IQSEC3: variants seen among roughly 807,000 people sequenced by gnomAD.
IQSEC3 encodes the protein IQ motif and SEC7 domain-containing protein 3.
IQSEC3 carries 50 observed loss-of-function variants against 105.4 expected under a neutral mutation model. That is an observed-to-expected ratio of 0.47 (90% CI 0.38 to 0.60). The LOEUF is 0.60. Ranked by LOEUF, IQSEC3 falls within the 20% of genes least tolerant of loss-of-function variation. The pLI is 0.00. For synonymous variants in IQSEC3, 708 were observed against 746.0 expected, an observed-to-expected ratio of 0.95 and a Z score of 0.83; for missense variants, 1,415 against 1,630.0, an observed-to-expected ratio of 0.87 and a Z score of 2.27.
chr12:72,552 C>T (rs1863359985), intron 1 of IQSEC3, among the ~76,000 whole-genome samples: 1 of 132,790 alleles, frequency 7.5e-6, no homozygotes, highest in African/African-American at 2.5e-5. Context: ...TGGGGACACT[C>T]TCACTGCACC....
intron 1 of IQSEC3, among the ~76,000 whole-genome samples, chr12:67,988 G>A (rs1356598018): frequency 6.6e-6 from 1 of 150,914 alleles, no homozygotes; most frequent in Non-Finnish European, 1.5e-5. Context: ...AAAAGCAGGA[G>A]TGATGTGGGA....
chr12:153,145 C>G (rs886953382), intron 5 of IQSEC3, among the ~76,000 whole-genome samples: 1 of 151,968 alleles, frequency 6.6e-6, no homozygotes, highest in Admixed American at 6.5e-5. Context: ...AGGGAGTGAA[C>G]AGAGGAGGCT....
chr12:160,362 C>A (rs1268048570), intron 7 of IQSEC3, among the ~76,000 whole-genome samples: 3 of 152,130 alleles, frequency 2.0e-5, no homozygotes, highest in Non-Finnish European at 4.4e-5. Flanking sequence ...TAAGGCATTT[C>A]ACCGGGAGAC....
intron 5 of IQSEC3, among the ~76,000 whole-genome samples, chr12:149,541 A>C: frequency 6.6e-6 from 1 of 150,722 alleles, no homozygotes. Flanking sequence ...GTCATCTCTC[A>C]CTCACTCATT....
Position 141,271 on chromosome 12 carries a change from C to A in IQSEC3, c.2139C>A (p.Asn713Lys). ...EFLGNSKKQF[N>K]RDVLDCVVDE... Reference sequence around the variant, plus strand: ...TGGGCAACAGCAAGAAGCAGTTCAACCGCGACGTGCTGGAGTGAGTACCCC... The same window carrying A: ...TGGGCAACAGCAAGAAGCAGTTCAAACGCGACGTGCTGGAGTGAGTACCCC... The change falls in exon 5 of 14, where the codon AAC becomes AAA. Residue 713 changes from asparagine to lysine, a missense_variant. By Grantham distance (94) the Asn-to-Lys change is moderately conservative (BLOSUM62 0). Coordinates refer to ENST00000538872, the MANE Select transcript of IQSEC3 (RefSeq NM_001170738.2). 1 of 1,614,072 alleles carries A rather than the reference C, an allele frequency of 6.2e-7. No homozygotes were observed. Among genetic ancestry groups the A allele is most frequent in the Non-Finnish European group, 8.5e-7 (1 of 1,180,000 alleles).
chr12:77,987 G>C (rs1332423066), intron 1 of IQSEC3, among the ~76,000 whole-genome samples: 6 of 151,822 alleles, frequency 4.0e-5, no homozygotes, highest in Non-Finnish European at 2.9e-5. Context: ...CTTCCTCGCG[G>C]GGGCGGCGGC....
chr12:82,464 A>G (rs782518493), intron 1 of IQSEC3, among the ~76,000 whole-genome samples: 3 of 152,218 alleles, frequency 2.0e-5, no homozygotes, highest in Admixed American at 6.5e-5. Flanking sequence ...AAGCGGGTTC[A>G]AGACAAAGGA....
At chr12:157,874 T>G (rs113128955) in intron 7 of IQSEC3, among the ~76,000 whole-genome samples, 180 bp downstream of exon 7, 4,156 of 152,358 alleles carry the variant, frequency 0.027, 167 homozygotes, top group African/African-American at 0.092. Context: ...GTTTCCGGCA[T>G]GCAGCCTGCC....
At chr12:141,087 C>T (rs377560781) in intron 4 of IQSEC3, 37 bp from the exon 5 acceptor site, 19 of 1,561,970 alleles carry the variant, frequency 1.2e-5, no homozygotes, top group Admixed American at 8.6e-5. Context: ...ATGGCTTCAG[C>T]TCACTCTCTA....
chr12:160,142 G>T (rs1565444546), intron 7 of IQSEC3, among the ~76,000 whole-genome samples: 1 of 144,134 alleles, frequency 6.9e-6, no homozygotes, highest in Non-Finnish European at 1.6e-5. Context: ...TTTTCTCTCT[G>T]TTTGCCTCTA....
intron 1 of IQSEC3, among the ~76,000 whole-genome samples, chr12:71,678 C>T (rs1486927524): frequency 6.6e-6 from 1 of 152,292 alleles, no homozygotes; most frequent in East Asian, 1.9e-4. Flanking sequence ...TCTGCTCATC[C>T]TAAGTCCCTA....
intron 5 of IQSEC3, chr12:144,045 C>G (rs1866155557): frequency 6.6e-6 from 1 of 152,472 alleles, no homozygotes; most frequent in Admixed American, 6.5e-5. Flanking sequence ...AGCCGCAATC[C>G]CTCATGCTTG....
intron 2 of IQSEC3, among the ~76,000 whole-genome samples, chr12:104,769 C>T (rs1433318032): frequency 1.3e-5 from 2 of 152,266 alleles, no homozygotes; most frequent in Non-Finnish European, 2.9e-5. Context: ...CTTCCGAGAA[C>T]GGCTGCGGGG....
chr12:122,572 AAC>A (rs1171216768), intron 2 of IQSEC3, among the ~76,000 whole-genome samples: 1 of 152,222 alleles, frequency 6.6e-6, no homozygotes, highest in Non-Finnish European at 1.5e-5. Flanking sequence ...AGGGAAATGA[AAC>A]ACAGAAGAGA....
intron 1 of IQSEC3, among the ~76,000 whole-genome samples, chr12:71,774 C>T (rs1476510334): frequency 6.6e-6 from 1 of 152,284 alleles, no homozygotes; most frequent in African/African-American, 2.4e-5. Flanking sequence ...GGCCTGGTTG[C>T]TGAGGTGGCA....
chr12:129,021 G>T (rs1359819533), intron 3 of IQSEC3, among the ~76,000 whole-genome samples: 2 of 152,164 alleles, frequency 1.3e-5, no homozygotes, highest in African/African-American at 4.8e-5. Context: ...CCTCTCCTGG[G>T]GATTCTCCTC....
At chr12:112,922 TTAA>T (rs781856014) in intron 2 of IQSEC3, among the ~76,000 whole-genome samples, 46 of 152,076 alleles carry the variant, frequency 3.0e-4, no homozygotes, top group Non-Finnish European at 5.9e-4. Flanking sequence ...TATTTTATTA[TTAA>T]TATTTATTAT....
chr12:135,724 A>G (rs140682361), intron 3 of IQSEC3, among the ~76,000 whole-genome samples: 63 of 152,358 alleles, frequency 4.1e-4, no homozygotes, highest in African/African-American at 1.4e-3. Context: ...GGACCAAGCT[A>G]TCAGGTTATG....
At chr12:100,080 T>TCAGTCTCC (rs1864374111) in intron 2 of IQSEC3, among the ~76,000 whole-genome samples, 1 of 152,216 alleles carries the variant, frequency 6.6e-6, no homozygotes, top group African/African-American at 2.4e-5. Context: ...GCCCAGTCTC[T>TCAGTCTCC]CAGTCTCCTG....
Sources: allele counts gnomAD v4.1 joint callset (sites outside exome capture counted in the v4.1 genomes callset), GRCh38; gene constraint gnomAD v4.1.1; transcripts MANE v1.5; gene names NCBI Gene and HGNC (gene_info 2026-07-23, HGNC 2026-07-21).